PPM1H: variants seen among roughly 807,000 people sequenced by gnomAD.
PPM1H encodes the protein protein phosphatase 1H.
In PPM1H, 27 loss-of-function variants were observed where a neutral mutation model predicts 54.9. The ratio of observed to expected loss-of-function variants is 0.49; its 90% CI spans 0.36 to 0.68. The LOEUF is 0.68. Ranked by LOEUF, PPM1H falls within the 30% of genes least tolerant of loss-of-function variation. The pLI is 0.00. For synonymous variants in PPM1H, 305 were observed against 270.8 expected (o/e 1.13, Z -1.24); for missense variants, 596 against 667.8 (o/e 0.89, Z 1.19).
At chr12:62,777,071 T>C (rs1279046184) in intron 4 of PPM1H, among the ~76,000 whole-genome samples, 7 of 152,156 alleles carry the variant, frequency 4.6e-5, no homozygotes, top group Non-Finnish European at 8.8e-5. Context: ...GTGCCAAACA[T>C]TGAAGCACTA....
At chr12:62,873,148 A>G (rs906282634) in intron 1 of PPM1H, among the ~76,000 whole-genome samples, 2 of 152,142 alleles carry the variant, frequency 1.3e-5, no homozygotes, top group Admixed American at 6.5e-5. Context: ...GTGTCTTCCT[A>G]CTCTGTCACA....
chr12:62,815,141 A>C (rs573032878), intron 2 of PPM1H, among the ~76,000 whole-genome samples: 1 of 152,280 alleles, frequency 6.6e-6, no homozygotes, highest in South Asian at 2.1e-4. Flanking sequence ...ATTGCTGTCC[A>C]CATGGAGCCA....
chr12:62,809,112 T>G (rs992189569), intron 2 of PPM1H, among the ~76,000 whole-genome samples: 8 of 152,204 alleles, frequency 5.3e-5, no homozygotes, highest in African/African-American at 9.6e-5. Flanking sequence ...AGTGCAGTGG[T>G]GCGATCCTGG....
chr12:62,810,759 G>T (rs928042682), intron 2 of PPM1H, among the ~76,000 whole-genome samples: 4 of 152,158 alleles, frequency 2.6e-5, no homozygotes, highest in Non-Finnish European at 5.9e-5. Context: ...ACAAATCTGG[G>T]CTCTGAAATG....
At chr12:62,736,480 T>C (rs987172272) in intron 5 of PPM1H, among the ~76,000 whole-genome samples, 2 of 152,236 alleles carry the variant, frequency 1.3e-5, no homozygotes, top group Admixed American at 6.5e-5. Flanking sequence ...GTACTGTTTT[T>C]ACAGTCATTT....
rs144982343 is a variant in PPM1H at position 62,801,959 on chromosome 12, T to G, written c.613A>C (p.Thr205Pro). Residue 205 changes from threonine (T) to proline (P), a missense_variant, in exon 3 of 10, where the codon ACT becomes CCT. Physicochemically the swap from Thr to Pro is conservative, Grantham distance 38. Transcript: ENST00000228705. ...EPENTPANSR[T>P]LTRAASLRGG... Reference sequence around the variant, plus strand: ...CGCAGGGAGGCTGCCCGGGTCAGAGTCCGGCTGTTGGCGGGCGTGTTCTCA... The same window carrying G: ...CGCAGGGAGGCTGCCCGGGTCAGAGGCCGGCTGTTGGCGGGCGTGTTCTCA... 1.5e-3 allele frequency: 2,449 copies of G among 1,612,446 alleles called. 31 individuals are homozygous for G. The African/African-American group carries it at 0.03, about 20-fold the overall frequency.
At chr12:62,659,269 C>CAAAAAAAAAAAAAAAAAAAAAAAAG (rs11349692) in intron 9 of PPM1H, 1 of 90,798 alleles carries the variant, frequency 1.1e-5, no homozygotes, top group Non-Finnish European at 2.1e-5. Context: ...GTAAAAACTG[C>CAAAAAAAAAAAAAAAAAAAAAAAAG]AAAAAAAAAA....
chr12:62,844,001 C>A lies in PPM1H; in HGVS notation c.246-11722G>T, dbSNP rs117276015. Among the ~76,000 whole-genome samples the A allele has an allele frequency of 0.032, 4,829 of 152,250 alleles. 82 individuals carry two copies. Among genetic ancestry groups the A allele is most frequent in the Middle Eastern group, 0.068 (20 of 294 alleles). ...TAGCCCTTGAGGTCTCAGAATAACC[C>A]ATCTGAGTTTCATTTTAGGCAAACT... is the stretch of plus-strand genomic sequence containing the variant. On this transcript the variant is annotated intron_variant, in intron 1 of 9. Coordinates refer to ENST00000228705, the MANE Select transcript of PPM1H (RefSeq NM_020700.2). This position sits in a 1 kb window ranked among gnomAD's most constrained non-coding sequence, Gnocchi z 5.2.
Position 62,726,639 on chromosome 12 carries a change from C to T in PPM1H, c.955-6350G>A, listed in dbSNP as rs149072336. Among the ~76,000 whole-genome samples the T allele has an allele frequency of 1.8e-3, 281 of 152,282 alleles. 1 individual carries two copies. Among genetic ancestry groups the T allele is most frequent in the African/African-American group, 6.3e-3 (262 of 41,564 alleles). ...TGCGGGGATGTGGAAGCCGCAGATT[C>T]CCATCAGGCCAGCGCAGAGATGTTT... is the stretch of plus-strand genomic sequence containing the variant. On this transcript the variant is annotated intron_variant, in intron 5 of 9. Coordinates refer to ENST00000228705, the MANE Select transcript of PPM1H (RefSeq NM_020700.2).
chr12:62,770,472 T>TGTA (rs2120645953), intron 4 of PPM1H, among the ~76,000 whole-genome samples: 2 of 152,320 alleles, frequency 1.3e-5, no homozygotes, highest in South Asian at 4.1e-4. Context: ...TCACAAGTGT[T>TGTA]CCTATCTGTT....
chr12:62,921,623 T>C (rs1393041510), intron 1 of PPM1H, among the ~76,000 whole-genome samples: 1 of 152,190 alleles, frequency 6.6e-6, no homozygotes, highest in Non-Finnish European at 1.5e-5. Flanking sequence ...AGATTCCCAT[T>C]AAAACTTGAC....
chr12:62,813,809 T>C (rs2076850358), intron 2 of PPM1H, among the ~76,000 whole-genome samples: 1 of 152,226 alleles, frequency 6.6e-6, no homozygotes, highest in Non-Finnish European at 1.5e-5. Flanking sequence ...TAGCTAATGA[T>C]AGCAGGAAGT....
At chr12:62,662,678 T>A (rs2075891579) in intron 9 of PPM1H, among the ~76,000 whole-genome samples, 1 of 152,200 alleles carries the variant, frequency 6.6e-6, no homozygotes, top group South Asian at 2.1e-4. Context: ...CGGGAAGTAA[T>A]TATAGATTAC....
intron 9 of PPM1H, among the ~76,000 whole-genome samples, chr12:62,654,535 C>T (rs942516565): frequency 9.2e-5 from 14 of 152,180 alleles, no homozygotes; most frequent in African/African-American, 1.7e-4. Flanking sequence ...AAGTCAAGGC[C>T]GGACAAGGCA....
chr12:62,720,135 T>A, intron 6 of PPM1H, 36 bp downstream of exon 6: 1 of 1,505,836 alleles, frequency 6.6e-7, no homozygotes, highest in Non-Finnish European at 9.2e-7. Context: ...TCACACACAC[T>A]GTGTGGTTCC....
intron 4 of PPM1H, among the ~76,000 whole-genome samples, chr12:62,768,955 C>T (rs2076561971): frequency 1.3e-5 from 2 of 152,224 alleles, no homozygotes; most frequent in South Asian, 4.1e-4. Context: ...TCTTTTAGGC[C>T]TAACCTGAGA....
intron 8 of PPM1H, among the ~76,000 whole-genome samples, chr12:62,672,083 G>T (rs1464015963): frequency 6.6e-6 from 1 of 152,098 alleles, no homozygotes; most frequent in Non-Finnish European, 1.5e-5. Flanking sequence ...CTGGTTCACT[G>T]AATGAATAAT....
intron 1 of PPM1H, among the ~76,000 whole-genome samples, chr12:62,852,823 C>A (rs1180497230): frequency 1.3e-5 from 2 of 152,202 alleles, no homozygotes; most frequent in Non-Finnish European, 2.9e-5. Context: ...CCCGGCACTG[C>A]ATGAGTGGGA....
intron 1 of PPM1H, among the ~76,000 whole-genome samples, chr12:62,846,395 G>A (rs1172242731): frequency 6.6e-6 from 1 of 151,920 alleles, no homozygotes; most frequent in East Asian, 1.9e-4. Context: ...AGCTACTAAG[G>A]AGGCTGAGAC....
Sources: gnomAD v4.1 joint callset for allele counts (sites outside exome capture counted in the v4.1 genomes callset) on GRCh38, gnomAD v4.1.1 for gene constraint, Gnocchi (gnomAD v3.1) non-coding constraint, MANE v1.5 for transcripts, NCBI Gene and HGNC (gene_info 2026-07-23, HGNC 2026-07-21) for gene names.